DPYD: variants seen among roughly 807,000 people sequenced by gnomAD.
The protein encoded by DPYD is dihydropyrimidine dehydrogenase, also known as dihydropyrimidine dehydrogenase [NADP(+)].
In DPYD, 109 loss-of-function variants were observed where a neutral mutation model predicts 116.2. That is an observed-to-expected ratio of 0.94 (90% CI 0.80 to 1.10). The LOEUF is 1.10. DPYD is among the 50% of genes least tolerant of loss of function. DPYD has a pLI of 0.00. For synonymous variants in DPYD, 440 were observed against 432.0 expected, an observed-to-expected ratio of 1.02 and a Z score of -0.23; for missense variants, 1,302 against 1,254.5, an observed-to-expected ratio of 1.04 and a Z score of -0.57.
At chr1:97,506,376 A>G (rs1034348247) in intron 13 of DPYD, among the ~76,000 whole-genome samples, 2 of 151,982 alleles carry the variant, frequency 1.3e-5, no homozygotes, top group African/African-American at 4.8e-5. Flanking sequence ...CATACCCAAA[A>G]TATGGAGATT....
At chr1:97,802,187 T>G (rs1667878577) in intron 3 of DPYD, among the ~76,000 whole-genome samples, 1 of 151,848 alleles carries the variant, frequency 6.6e-6, no homozygotes, top group African/African-American at 2.4e-5. Context: ...TCCAGATAAA[T>G]TTGTAGTTGG....
intron 14 of DPYD, among the ~76,000 whole-genome samples, chr1:97,391,243 C>A (rs1278189250): frequency 6.6e-6 from 1 of 151,872 alleles, no homozygotes; most frequent in Non-Finnish European, 1.5e-5. Flanking sequence ...TAAACTGCAT[C>A]TTTTTCCTAA....
chr1:97,126,507 T>C (rs1236860369), intron 20 of DPYD, among the ~76,000 whole-genome samples: 1 of 152,124 alleles, frequency 6.6e-6, no homozygotes, highest in Non-Finnish European at 1.5e-5. Flanking sequence ...GGGTCTCATA[T>C]ACCCTTCCTC....
At chr1:97,283,922 T>C (rs1184868544) in intron 18 of DPYD, among the ~76,000 whole-genome samples, 1 of 152,128 alleles carries the variant, frequency 6.6e-6, no homozygotes. Flanking sequence ...CTTGGTATTG[T>C]TTTTCTCATT....
intron 4 of DPYD, among the ~76,000 whole-genome samples, chr1:97,736,073 A>ATAC (rs1663924883): frequency 6.6e-6 from 1 of 152,102 alleles, no homozygotes; most frequent in Non-Finnish European, 1.5e-5. Flanking sequence ...ATCCAGTTTC[A>ATAC]ATAATTGCAA....
chr1:97,099,853 C>T (rs548274152), intron 20 of DPYD, among the ~76,000 whole-genome samples: 69 of 152,160 alleles, frequency 4.5e-4, no homozygotes, highest in Non-Finnish European at 8.4e-4. Context: ...TAAACTTAAA[C>T]CATGTTCCAA....
intron 8 of DPYD, among the ~76,000 whole-genome samples, chr1:97,626,201 T>C (rs1179957688): frequency 6.6e-6 from 1 of 152,016 alleles, no homozygotes; most frequent in African/African-American, 2.4e-5. Flanking sequence ...TCTCTTGCAT[T>C]TTGTCAGCGT....
At chr1:97,708,673 T>C (rs1053855199) in intron 5 of DPYD, among the ~76,000 whole-genome samples, 1 of 152,042 alleles carries the variant, frequency 6.6e-6, no homozygotes, top group Non-Finnish European at 1.5e-5. Context: ...ATCTATAAAA[T>C]AGTTTCCTGA....
At chr1:97,884,913 A>G (rs1401459121) in intron 1 of DPYD, among the ~76,000 whole-genome samples, 2 of 152,090 alleles carry the variant, frequency 1.3e-5, no homozygotes, top group South Asian at 2.1e-4. Flanking sequence ...CTTTGAGTAA[A>G]CCATTGATCT....
chr1:97,371,056 G>A (rs935857604), intron 16 of DPYD, among the ~76,000 whole-genome samples: 1 of 151,786 alleles, frequency 6.6e-6, no homozygotes, highest in African/African-American at 2.4e-5. Flanking sequence ...TTATATAGAT[G>A]TGTATATATA....
chr1:97,341,416 T>A (rs1669581474), intron 16 of DPYD, among the ~76,000 whole-genome samples: 1 of 152,112 alleles, frequency 6.6e-6, no homozygotes, highest in South Asian at 2.1e-4. Flanking sequence ...TTCTCATGAA[T>A]CCTTCTCTCT....
intron 18 of DPYD, among the ~76,000 whole-genome samples, chr1:97,288,864 C>CA (rs1172783092): frequency 6.6e-6 from 1 of 151,794 alleles, no homozygotes; most frequent in Non-Finnish European, 1.5e-5. Context: ...AATAGAGACA[C>CA]AAAAAACCCT....
At chr1:97,433,596 C>G (rs1025901577) in intron 14 of DPYD, among the ~76,000 whole-genome samples, 1 of 152,170 alleles carries the variant, frequency 6.6e-6, no homozygotes, top group Non-Finnish European at 1.5e-5. Context: ...GAGTAATAAT[C>G]TCTTATAGCT....
chr1:97,802,804 T>A (rs17117214), intron 3 of DPYD, among the ~76,000 whole-genome samples: 4,692 of 151,994 alleles, frequency 0.031, 238 homozygotes, highest in African/African-American at 0.1. Flanking sequence ...TCCAAGATGT[T>A]GTCCTGAAGT....
At chr1:97,463,455 G>T (rs1337662524) in intron 13 of DPYD, among the ~76,000 whole-genome samples, 4 of 152,108 alleles carry the variant, frequency 2.6e-5, no homozygotes, top group African/African-American at 7.2e-5. Flanking sequence ...CCAGTCTTGG[G>T]TGTGTATTTA....
At chr1:97,440,074 G>A (rs1384032991) in intron 14 of DPYD, among the ~76,000 whole-genome samples, 1 of 151,932 alleles carries the variant, frequency 6.6e-6, no homozygotes, top group Admixed American at 6.6e-5. Context: ...TCGGGAGTTC[G>A]AGACCAGCCT....
intron 13 of DPYD, among the ~76,000 whole-genome samples, chr1:97,483,767 T>C (rs897799085): frequency 1.3e-5 from 2 of 152,170 alleles, no homozygotes; most frequent in African/African-American, 4.8e-5. Flanking sequence ...TCAAGCAGCA[T>C]TGGGCTAGCT....
chr1:97,264,592 T>C (rs1308894596), intron 18 of DPYD, among the ~76,000 whole-genome samples: 1 of 152,124 alleles, frequency 6.6e-6, no homozygotes, highest in African/African-American at 2.4e-5. Flanking sequence ...ATAAGCCACA[T>C]CCCTAAATCC....
At chr1:97,764,692 T>C (rs1304181380) in intron 3 of DPYD, among the ~76,000 whole-genome samples, 3 of 152,130 alleles carry the variant, frequency 2.0e-5, no homozygotes, top group Non-Finnish European at 4.4e-5. Flanking sequence ...GAATAAACTT[T>C]AACAATACTT....
Sources: allele counts gnomAD v4.1 joint callset (sites outside exome capture counted in the v4.1 genomes callset), GRCh38; gene constraint gnomAD v4.1.1; transcripts MANE v1.5; gene names NCBI Gene and HGNC (gene_info 2026-07-23, HGNC 2026-07-21).